MACROD2: variants seen among roughly 807,000 people sequenced by gnomAD.
MACROD2 encodes mono-ADP ribosylhydrolase 2, also known as ADP-ribose glycohydrolase MACROD2.
Under a neutral mutation model 70.4 loss-of-function variants are expected in MACROD2, and 36 were observed. That is an observed-to-expected ratio of 0.51 (90% CI 0.39 to 0.68). MACROD2 has a LOEUF of 0.68. MACROD2 is among the 30% of genes least tolerant of loss of function. The pLI is 0.00. For missense variants in MACROD2, 496 were observed against 538.4 expected, an observed-to-expected ratio of 0.92 and a Z score of 0.78; for synonymous variants, 172 against 178.8, an observed-to-expected ratio of 0.96 and a Z score of 0.30.
At chr20:14,599,842 C>T (rs1044117355) in intron 4 of MACROD2, among the ~76,000 whole-genome samples, 19 of 152,098 alleles carry the variant, frequency 1.2e-4, no homozygotes, top group Middle Eastern at 3.4e-3. Context: ...CATAGGGAGG[C>T]GGACAGGGGA....
chr20:14,756,151 T>A (rs2071937552), intron 5 of MACROD2, among the ~76,000 whole-genome samples: 2 of 152,236 alleles, frequency 1.3e-5, no homozygotes, highest in South Asian at 4.1e-4. Flanking sequence ...ACATCTCCTG[T>A]CTCACCATTG....
chr20:14,039,625 A>G (rs2053361832), intron 2 of MACROD2, among the ~76,000 whole-genome samples: 2 of 152,140 alleles, frequency 1.3e-5, no homozygotes, highest in South Asian at 4.1e-4. Context: ...AGCAGGGAAA[A>G]CCGGTGATAG....
chr20:14,625,051 TG>T (rs1840648877), intron 4 of MACROD2, among the ~76,000 whole-genome samples: 1 of 152,004 alleles, frequency 6.6e-6, no homozygotes, highest in Non-Finnish European at 1.5e-5. Context: ...AAGATTAGGC[TG>T]GGTGTGGTGG....
At chr20:14,241,762 G>T (rs1570486) in intron 3 of MACROD2, among the ~76,000 whole-genome samples, 25,098 of 151,994 alleles carry the variant, frequency 0.17, 2,481 homozygotes, top group East Asian at 0.26. Context: ...GGGCCCTGTA[G>T]CAGAAGGAAA....
intron 8 of MACROD2, among the ~76,000 whole-genome samples, chr20:15,781,423 G>C (rs2051828843): frequency 6.6e-6 from 1 of 151,264 alleles, no homozygotes; most frequent in Admixed American, 6.6e-5. Flanking sequence ...CCACAGACTG[G>C]GTAATTTATA....
At chr20:15,969,708 T>C (rs1318583149) in intron 13 of MACROD2, among the ~76,000 whole-genome samples, 2 of 152,026 alleles carry the variant, frequency 1.3e-5, no homozygotes, top group Non-Finnish European at 2.9e-5. Flanking sequence ...AAGGATCTTA[T>C]GATAAAGTCT....
At chr20:14,848,656 C>T (rs994109002) in intron 5 of MACROD2, among the ~76,000 whole-genome samples, 7 of 152,206 alleles carry the variant, frequency 4.6e-5, no homozygotes, top group Admixed American at 2.0e-4. Context: ...GTGGTGATTG[C>T]TGCTTGTTAA....
intron 3 of MACROD2, among the ~76,000 whole-genome samples, chr20:14,336,379 C>T (rs1245350518): frequency 2.0e-5 from 3 of 151,770 alleles, no homozygotes; most frequent in African/African-American, 7.3e-5. Flanking sequence ...AAACAAACCC[C>T]CCAGATGTTG....
intron 5 of MACROD2, among the ~76,000 whole-genome samples, chr20:14,843,035 CTGGCTGTCA>C (rs951845426): frequency 6.6e-6 from 1 of 152,068 alleles, no homozygotes. Context: ...ATTTCACACC[CTGGCTGTCA>C]ATGTGGCTGT....
chr20:15,102,446 C>G (rs2075880023), intron 5 of MACROD2, among the ~76,000 whole-genome samples: 1 of 151,922 alleles, frequency 6.6e-6, no homozygotes, highest in African/African-American at 2.4e-5. Context: ...CACATATATA[C>G]TCTGGTATAT....
At chr20:14,666,637 T>G (rs748617585) in intron 4 of MACROD2, among the ~76,000 whole-genome samples, 4 of 152,188 alleles carry the variant, frequency 2.6e-5, no homozygotes, top group Non-Finnish European at 5.9e-5. Context: ...GTCCAAACAC[T>G]GTATTATTTA....
intron 5 of MACROD2, chr20:14,849,963 A>G (rs1180926616): frequency 5.8e-6 from 3 of 516,552 alleles, no homozygotes; most frequent in African/African-American, 3.9e-5. Context: ...GAAGAGATCT[A>G]TTACTTCAAT....
chr20:15,267,754 A>G (rs2077308748), intron 6 of MACROD2, among the ~76,000 whole-genome samples: 1 of 152,100 alleles, frequency 6.6e-6, no homozygotes, highest in Non-Finnish European at 1.5e-5. Flanking sequence ...GACTGACCTG[A>G]GCACTGGGAG....
intron 5 of MACROD2, among the ~76,000 whole-genome samples, chr20:14,751,788 A>C (rs527730704): frequency 6.6e-6 from 1 of 152,252 alleles, no homozygotes; most frequent in East Asian, 1.9e-4. Context: ...CTTGAACAAA[A>C]GAAACTATAC....
In MACROD2 at chr20:15,533,620, T is replaced by C. The variant is rs6110659; in HGVS notation, c.645+33773T>C. ...ACTCAGTCCCAGTGCACTAGGTGACTGGTACAGGGGAAAGTAACTTAGGGA... is the reference window on the plus strand; with the variant it reads ...ACTCAGTCCCAGTGCACTAGGTGACCGGTACAGGGGAAAGTAACTTAGGGA... On this transcript the variant is annotated intron_variant, in intron 8 of 17. Coordinates refer to ENST00000684519, the MANE Select transcript of MACROD2 (RefSeq NM_001351661.2). Among the ~76,000 whole-genome samples the C allele has an allele frequency of 8.1e-3, 1,230 of 151,858 alleles. 27 individuals are homozygous for C. Among genetic ancestry groups the C allele is most frequent in the African/African-American group, 0.029 (1,185 of 41,404 alleles).
At chr20:14,424,800 C>G (rs934136564) in intron 3 of MACROD2, among the ~76,000 whole-genome samples, 14 of 152,140 alleles carry the variant, frequency 9.2e-5, no homozygotes, top group African/African-American at 3.4e-4. Context: ...TTTAAATTAC[C>G]AGCTGTTATA....
At chr20:14,918,275 A>G (rs930801547) in intron 5 of MACROD2, among the ~76,000 whole-genome samples, 1 of 152,132 alleles carries the variant, frequency 6.6e-6, no homozygotes, top group Non-Finnish European at 1.5e-5. Context: ...TGGACTAGAA[A>G]AGGTTTTTCA....
intron 3 of MACROD2, among the ~76,000 whole-genome samples, chr20:14,207,531 G>A (rs146513284): frequency 0.015 from 2,350 of 151,656 alleles, 36 homozygotes; most frequent in Non-Finnish European, 0.021. Context: ...GAATACTTTG[G>A]CACGTCAGTA....
chr20:14,560,308 T>TACACACACAC (rs1232499100), intron 4 of MACROD2, among the ~76,000 whole-genome samples: 6,541 of 147,364 alleles, frequency 0.044, 196 homozygotes, highest in Non-Finnish European at 0.063. Flanking sequence ...GTACTTAATG[T>TACACACACAC]ACACACACAC....
Sources: gnomAD v4.1 joint callset for allele counts (sites outside exome capture counted in the v4.1 genomes callset) on GRCh38, gnomAD v4.1.1 for gene constraint, MANE v1.5 for transcripts, NCBI Gene and HGNC (gene_info 2026-07-23, HGNC 2026-07-21) for gene names.